Variants in ECE1 observed in about 807,000 individuals in gnomAD.
ECE1 encodes the protein endothelin converting enzyme 1, also known as endothelin-converting enzyme 1.
A neutral mutation model predicts 98.6 loss-of-function variants in ECE1; 35 were observed. The observed-to-expected ratio is 0.35, with a 90% CI of 0.27 to 0.47. The LOEUF (loss-of-function observed/expected upper bound fraction) is 0.47. ECE1 is among the 20% of genes least tolerant of loss of function. The probability of loss-of-function intolerance (pLI) is 1.00; values close to 1 mark genes in which losing one functional copy is unlikely to be tolerated. For missense variants in ECE1, 814 were observed against 1,025.3 expected (o/e 0.79, Z 2.81); for synonymous variants, 394 against 407.1 (o/e 0.97, Z 0.39).
intron 8 of ECE1, 131 bp downstream of exon 8, chr1:21,255,816 A>G (rs2098219117): frequency 1.9e-6 from 2 of 1,042,076 alleles, no homozygotes; most frequent in South Asian, 1.5e-5. Context: ...TGGACTGGGC[A>G]TAACAACCAT....
chr1:21,299,347 T>A (rs146851188), intron 1 of ECE1: 1 of 164,320 alleles, frequency 6.1e-6, no homozygotes, highest in African/African-American at 2.4e-5. Flanking sequence ...CATGATGACC[T>A]CATGATGTAC....
intron 9 of ECE1, among the ~76,000 whole-genome samples, chr1:21,246,456 G>A (rs2098203654): frequency 7.2e-6 from 1 of 138,418 alleles, no homozygotes; most frequent in Non-Finnish European, 1.5e-5. Context: ...TTGAGATCGC[G>A]CCACTGCACT....
chr1:21,292,016 C>T (rs988880831), upstream of ECE1, among the ~76,000 whole-genome samples: 6 of 150,896 alleles, frequency 4.0e-5, no homozygotes, highest in East Asian at 1.9e-4. Flanking sequence ...ATTAGCAGGA[C>T]GTGGTGGTAT....
intron 18 of ECE1, among the ~76,000 whole-genome samples, chr1:21,221,361 A>C (rs970388710): frequency 6.6e-6 from 1 of 152,086 alleles, no homozygotes; most frequent in African/African-American, 2.4e-5. Context: ...TCATAGAGAC[A>C]GGGTTTCACT....
At chr1:21,297,606 A>C (rs1338325072) in intron 1 of ECE1, among the ~76,000 whole-genome samples, 4 of 142,354 alleles carry the variant, frequency 2.8e-5, no homozygotes, top group East Asian at 2.0e-4. Context: ...ATCTTGGCTC[A>C]CTGTAACCTC....
intron 3 of ECE1, among the ~76,000 whole-genome samples, 162 bp from the exon 4 acceptor site, chr1:21,273,073 C>T (rs764389691): frequency 6.6e-6 from 1 of 152,248 alleles, no homozygotes; most frequent in Non-Finnish European, 1.5e-5. Flanking sequence ...GAAATGATTT[C>T]CGCTTATAAC....
rs548360016 is a variant in ECE1 at position 21,308,955 on chromosome 1, C to T, written c.4-18799G>A. Among the ~76,000 whole-genome samples the T allele has an allele frequency of 2.6e-5, 4 of 152,320 alleles. No homozygotes were observed. The East Asian group carries it at 7.7e-4, about 29-fold the overall frequency. On this transcript the variant is annotated intron_variant, in intron 1 of 18. Coordinates refer to the ECE1 transcript ENST00000415912. ...AGGCTTAGTTGGACTGAGCCAGAGC[C>T]CATCATTCACTGTTTCTGGAGATTA...
chr1:21,262,039 C>A (rs1044251807), intron 4 of ECE1, among the ~76,000 whole-genome samples: 3 of 152,140 alleles, frequency 2.0e-5, no homozygotes, highest in Admixed American at 6.5e-5. Context: ...GAGCTCCCTG[C>A]CCCCCGATCC....
At position 21,233,509 on chromosome 1, in the gene ECE1, C is replaced by T. The variant is rs1442603049; in HGVS notation, c.1670+49G>A. The stretch of plus-strand genomic sequence containing the variant: ...AAGGCCAGTTCGTCCCAAGGCTTGC[C>T]CACAGGTGGGGAGCTGGCACCTTGC... On this transcript the variant is annotated intron_variant, in intron 14 of 18. Transcript: ENST00000374893. The surrounding 1 kb of genome is among the most constrained non-coding windows in gnomAD (Gnocchi z 4.0). 1.9e-6 allele frequency: 3 copies of T among 1,576,036 alleles called. No homozygotes were observed. The African/African-American group carries it at 4.1e-5, about 21-fold the overall frequency.
upstream of ECE1, among the ~76,000 whole-genome samples, chr1:21,291,741 C>T (rs777883709): frequency 6.6e-5 from 10 of 152,026 alleles, no homozygotes; most frequent in Non-Finnish European, 1.0e-4. Flanking sequence ...GCAGAAGAAT[C>T]GCTTGAACCC....
intron 1 of ECE1, among the ~76,000 whole-genome samples, chr1:21,344,581 C>A (rs190740865): frequency 3.3e-3 from 504 of 152,300 alleles, no homozygotes; most frequent in African/African-American, 0.011. Flanking sequence ...AGCCCCCCCC[C>A]AGGAAGCCCA....
At chr1:21,266,097 C>T (rs2098233500) in intron 4 of ECE1, 1 of 152,266 alleles carries the variant, frequency 6.6e-6, no homozygotes, top group African/African-American at 2.4e-5. Flanking sequence ...CATCACTCCT[C>T]AGGGAGGAAA....
At chr1:21,245,158 G>C in intron 9 of ECE1, 55 bp from the exon 10 acceptor site, 1 of 1,517,912 alleles carries the variant, frequency 6.6e-7, no homozygotes, top group Non-Finnish European at 9.1e-7. Context: ...GGAGGATTGC[G>C]GCCCTTCCCC....
intron 8 of ECE1, among the ~76,000 whole-genome samples, chr1:21,254,241 G>A (rs540857947): frequency 5.3e-5 from 8 of 152,138 alleles, no homozygotes; most frequent in Admixed American, 2.0e-4. Context: ...GTAAAAACTC[G>A]AGAGAATCCA....
At chr1:21,302,065 T>C (rs1415022855) in intron 1 of ECE1, among the ~76,000 whole-genome samples, 1 of 152,140 alleles carries the variant, frequency 6.6e-6, no homozygotes, top group Non-Finnish European at 1.5e-5. Flanking sequence ...GAGGCCCAAG[T>C]GCGGCCCAAA....
chr1:21,240,985 T>G (rs2098195397), intron 10 of ECE1, among the ~76,000 whole-genome samples: 1 of 152,190 alleles, frequency 6.6e-6, no homozygotes, highest in Non-Finnish European at 1.5e-5. Flanking sequence ...TAGAGATGAA[T>G]CAACAGTGAG....
chr1:21,239,755 T>C, intron 10 of ECE1, among the ~76,000 whole-genome samples: 1 of 152,090 alleles, frequency 6.6e-6, no homozygotes, highest in East Asian at 1.9e-4. Flanking sequence ...TTCTCTATCT[T>C]TCTAAAATTT....
At chr1:21,289,787 G>A (rs1487372511) in intron 2 of ECE1, among the ~76,000 whole-genome samples, 1 of 152,074 alleles carries the variant, frequency 6.6e-6, no homozygotes, top group African/African-American at 2.4e-5. Context: ...TTCGGGTCTC[G>A]GGGGTGCTTT....
intron 4 of ECE1, chr1:21,267,179 A>G (rs1456007039): frequency 2.0e-5 from 3 of 152,350 alleles, no homozygotes; most frequent in Admixed American, 1.3e-4. Context: ...GACACTGAAC[A>G]AGCCCGTGCC....
Sources: allele counts gnomAD v4.1 joint callset (sites outside exome capture counted in the v4.1 genomes callset), GRCh38; gene constraint gnomAD v4.1.1; non-coding constraint Gnocchi (gnomAD v3.1); transcripts MANE v1.5; gene names NCBI Gene and HGNC (gene_info 2026-07-23, HGNC 2026-07-21).